The following UBE2E2 variants were observed in gnomAD, a reference collection of about 807,000 sequenced individuals.
UBE2E2 encodes the protein ubiquitin conjugating enzyme E2 E2, also known as ubiquitin-conjugating enzyme E2 E2.
Under a neutral mutation model 24.7 loss-of-function variants are expected in UBE2E2, and 6 were observed. That is an observed-to-expected ratio of 0.24 (90% CI 0.13 to 0.48). The LOEUF (loss-of-function observed/expected upper bound fraction) is 0.48. Among genes scored for constraint, UBE2E2 ranks in the 20% least tolerant of loss-of-function variants. The pLI is 0.99. For missense variants in UBE2E2, 169 were observed against 245.0 expected (o/e 0.69, Z 2.07); for synonymous variants, 104 against 83.6 (o/e 1.24, Z -1.33).
intron 5 of UBE2E2, among the ~76,000 whole-genome samples, chr3:23,555,667 T>C (rs866573557): frequency 2.0e-5 from 3 of 152,132 alleles, no homozygotes; most frequent in African/African-American, 7.2e-5. Flanking sequence ...CATACATACA[T>C]AAACACACGC....
chr3:23,445,241 C>T (rs1336376558), intron 3 of UBE2E2, among the ~76,000 whole-genome samples: 1 of 152,154 alleles, frequency 6.6e-6, no homozygotes, highest in African/African-American at 2.4e-5. Context: ...TCCTATTCAC[C>T]TCATTGTTGA....
At chr3:23,238,165 G>T (rs148900174) in intron 3 of UBE2E2, among the ~76,000 whole-genome samples, 28 of 152,192 alleles carry the variant, frequency 1.8e-4, no homozygotes, top group African/African-American at 6.7e-4. Flanking sequence ...AAAAATATTG[G>T]AAAGCATATA....
chr3:23,253,267 A>G (rs149993513), intron 3 of UBE2E2, among the ~76,000 whole-genome samples: 37 of 152,368 alleles, frequency 2.4e-4, no homozygotes, highest in African/African-American at 7.5e-4. Context: ...TACTCCACAA[A>G]AAGCAAACAA....
At chr3:23,337,149 A>G (rs1415851412) in intron 3 of UBE2E2, among the ~76,000 whole-genome samples, 4 of 151,952 alleles carry the variant, frequency 2.6e-5, no homozygotes, top group Admixed American at 2.6e-4. Context: ...CAAAAAAAAA[A>G]AAAAAAAATT....
At chr3:23,365,354 A>G (rs1575588289) in intron 3 of UBE2E2, among the ~76,000 whole-genome samples, 2 of 152,222 alleles carry the variant, frequency 1.3e-5, no homozygotes, top group African/African-American at 4.8e-5. Flanking sequence ...ATATGGTTCT[A>G]TAACTAGAAA....
intron 3 of UBE2E2, among the ~76,000 whole-genome samples, chr3:23,447,016 C>G (rs1007352480): frequency 1.3e-5 from 2 of 152,150 alleles, no homozygotes; most frequent in African/African-American, 4.8e-5. Flanking sequence ...TTTCCTCTGC[C>G]TGACACATTT....
intron 3 of UBE2E2, among the ~76,000 whole-genome samples, chr3:23,433,965 T>C (rs1479342232): frequency 6.6e-6 from 1 of 152,028 alleles, no homozygotes; most frequent in Non-Finnish European, 1.5e-5. Flanking sequence ...TCCTCAATAT[T>C]ATATGGAACT....
intron 5 of UBE2E2, among the ~76,000 whole-genome samples, chr3:23,541,063 T>A (rs1452049375): frequency 6.6e-6 from 1 of 152,262 alleles, no homozygotes; most frequent in Non-Finnish European, 1.5e-5. Context: ...ACTCTAATTA[T>A]TCAGTAATTG....
At chr3:23,440,507 C>T (rs1389198799) in intron 3 of UBE2E2, among the ~76,000 whole-genome samples, 3 of 152,204 alleles carry the variant, frequency 2.0e-5, no homozygotes, top group South Asian at 2.1e-4. Context: ...AACGGACCCA[C>T]GTTCATACGC....
chr3:23,288,593 T>A (rs191633733), intron 3 of UBE2E2, among the ~76,000 whole-genome samples: 108 of 152,324 alleles, frequency 7.1e-4, no homozygotes, highest in African/African-American at 2.5e-3. Context: ...ATCTGGGTGC[T>A]CCAGTTTTGG....
rs536168649 is a variant in UBE2E2 at position 23,269,024 on chromosome 3, C to G, written c.227+51712C>G. ...TATGTAGAAAGCTGAAACTGGATCC[C>G]TTCCTTACACCTTATACAAAAATTA... On this transcript the variant is annotated intron_variant, in intron 3 of 5. Transcript: ENST00000396703. Among the ~76,000 whole-genome samples, 12 of 151,858 alleles carry G rather than the reference C, an allele frequency of 7.9e-5. No individual in the cohort carries two copies. In the East Asian group the frequency reaches 2.1e-3, roughly 27 times the overall value.
intron 3 of UBE2E2, among the ~76,000 whole-genome samples, chr3:23,218,790 A>G (rs1552930): frequency 1.3e-5 from 2 of 151,778 alleles, no homozygotes; most frequent in African/African-American, 4.8e-5. Flanking sequence ...TATTAGATAA[A>G]TGGGGAAAGG....
chr3:23,351,813 TAGAC>T (rs1695760961), intron 3 of UBE2E2, among the ~76,000 whole-genome samples: 1 of 152,064 alleles, frequency 6.6e-6, no homozygotes, highest in Non-Finnish European at 1.5e-5. Flanking sequence ...CTGTCAACAT[TAGAC>T]AGATCAACGA....
At chr3:23,363,604 C>CT (rs1182453499) in intron 3 of UBE2E2, among the ~76,000 whole-genome samples, 1 of 152,202 alleles carries the variant, frequency 6.6e-6, no homozygotes, top group Non-Finnish European at 1.5e-5. Context: ...CTTAATTATT[C>CT]TAAATATATA....
chr3:23,268,351 A>T (rs1216073252), intron 3 of UBE2E2, among the ~76,000 whole-genome samples: 48 of 149,002 alleles, frequency 3.2e-4, no homozygotes, highest in African/African-American at 4.5e-4. Flanking sequence ...AAGCAGCTTC[A>T]ACAAAGTCTC....
chr3:23,426,124 A>G (rs1697919003), intron 3 of UBE2E2, among the ~76,000 whole-genome samples: 2 of 152,192 alleles, frequency 1.3e-5, no homozygotes, highest in South Asian at 2.1e-4. Flanking sequence ...AAATGAGTTC[A>G]TTGGTAGACT....
chr3:23,581,477 A>G (rs1047047668), intron 5 of UBE2E2, among the ~76,000 whole-genome samples: 1 of 152,200 alleles, frequency 6.6e-6, no homozygotes, highest in Admixed American at 6.5e-5. Context: ...ATGCACACAA[A>G]TACATATTTG....
intron 4 of UBE2E2, among the ~76,000 whole-genome samples, 174 bp downstream of exon 4, chr3:23,499,914 C>T (rs1490783017): frequency 6.6e-6 from 1 of 152,138 alleles, no homozygotes; most frequent in East Asian, 1.9e-4. Flanking sequence ...GTTATTCCTC[C>T]ACCCCAGCTT....
At chr3:23,238,132 T>C (rs12330479) in intron 3 of UBE2E2, among the ~76,000 whole-genome samples, 116,051 of 151,904 alleles carry the variant, frequency 0.76, 46,172 homozygotes, top group Non-Finnish European at 0.89. Context: ...GAAAAAAGCC[T>C]GGTTCCCTTG....
Sources: allele counts gnomAD v4.1 joint callset (sites outside exome capture counted in the v4.1 genomes callset), GRCh38; gene constraint gnomAD v4.1.1; transcripts MANE v1.5; gene names NCBI Gene and HGNC (gene_info 2026-07-23, HGNC 2026-07-21).